Variants in BRINP3 observed in about 807,000 individuals in gnomAD.
BRINP3 encodes the protein BMP/retinoic acid-inducible neural-specific protein 3.
Under a neutral mutation model 71.0 loss-of-function variants are expected in BRINP3, and 19 were observed. The ratio of observed to expected loss-of-function variants is 0.27; its 90% CI spans 0.19 to 0.39. BRINP3 has a LOEUF of 0.39. Among genes scored for constraint, BRINP3 ranks in the 10% least tolerant of loss-of-function variants. The pLI is 1.00. For missense variants in BRINP3, 959 were observed against 940.8 expected (o/e 1.02, Z -0.25); for synonymous variants, 380 against 337.7 (o/e 1.13, Z -1.37).
chr1:190,288,920 G>T (rs1663642094), intron 2 of BRINP3, among the ~76,000 whole-genome samples: 1 of 151,740 alleles, frequency 6.6e-6, no homozygotes, highest in Admixed American at 6.6e-5. Flanking sequence ...ATCTGTTAAT[G>T]AAAAAATAAT....
At chr1:190,130,806 G>A (rs77884381) in intron 7 of BRINP3, among the ~76,000 whole-genome samples, 4 of 151,888 alleles carry the variant, frequency 2.6e-5, no homozygotes, top group East Asian at 1.9e-4. Context: ...TAAAACAGGC[G>A]GTGCTTTCCC....
At chr1:190,276,979 A>T (rs1357731464) in intron 3 of BRINP3, among the ~76,000 whole-genome samples, 1 of 148,472 alleles carries the variant, frequency 6.7e-6, no homozygotes, top group Non-Finnish European at 1.5e-5. Context: ...ACAGTGGTCA[A>T]ACTGAACTTG....
intron 2 of BRINP3, among the ~76,000 whole-genome samples, chr1:190,312,433 G>T (rs529476182): frequency 6.6e-6 from 1 of 151,558 alleles, no homozygotes; most frequent in African/African-American, 2.4e-5. Context: ...CCTTCCCAGT[G>T]ATCTCCTAAA....
intron 2 of BRINP3, among the ~76,000 whole-genome samples, chr1:190,359,906 G>T (rs926859969): frequency 1.3e-5 from 2 of 152,026 alleles, no homozygotes; most frequent in Non-Finnish European, 2.9e-5. Flanking sequence ...AGAATACTGG[G>T]CTAAACTCTT....
At chr1:190,327,326 C>CAAA (rs1227478693) in intron 2 of BRINP3, among the ~76,000 whole-genome samples, 736 of 44,150 alleles carry the variant, frequency 0.017, 12 homozygotes, top group East Asian at 0.027. Context: ...AAAAAAAGAA[C>CAAA]AAAAAAAAAA....
intron 6 of BRINP3, among the ~76,000 whole-genome samples, chr1:190,189,961 C>T (rs1653890342): frequency 6.6e-6 from 1 of 152,146 alleles, no homozygotes; most frequent in African/African-American, 2.4e-5. Flanking sequence ...CAGTGTGGCA[C>T]TGCCAAAAGT....
chr1:190,315,871 T>C (rs1219272382), intron 2 of BRINP3, among the ~76,000 whole-genome samples: 1 of 152,154 alleles, frequency 6.6e-6, no homozygotes, highest in Non-Finnish European at 1.5e-5. Context: ...CATTTCCTCT[T>C]TTTTCTAAAC....
chr1:190,242,388 T>A lies in BRINP3; in HGVS notation c.619-7911A>T, dbSNP rs369941260. 7.2e-5 allele frequency among the ~76,000 whole-genome samples: 11 copies of A among 152,172 alleles called. No individual in the cohort carries two copies. The East Asian group carries it at 9.7e-4, about 13-fold the overall frequency. ...CTTAAAATATATTTAACATTGTCAATATTTTCTTGGGCCTTCTCCAAACAT... is the reference window on the plus strand; with the variant it reads ...CTTAAAATATATTTAACATTGTCAAAATTTTCTTGGGCCTTCTCCAAACAT... On this transcript the variant is annotated intron_variant, in intron 4 of 7. Coordinates refer to ENST00000367462, the MANE Select transcript of BRINP3 (RefSeq NM_199051.3).
chr1:190,312,291 G>A (rs1037616759), intron 2 of BRINP3, among the ~76,000 whole-genome samples: 1 of 150,888 alleles, frequency 6.6e-6, no homozygotes, highest in East Asian at 1.9e-4. Flanking sequence ...TATTGTTACA[G>A]AGAATATGCA....
In BRINP3 at chr1:190,180,849, T is replaced by A. The variant is rs994334993; in HGVS notation, c.962-19959A>T. On this transcript the variant is annotated intron_variant, in intron 6 of 7. Transcript: ENST00000367462. Reference sequence around the variant, plus strand: ...TAAAATAACAACAATTCCTAGGAAGTTACAAAAAAAGTACAGACATAATCC... The same window carrying A: ...TAAAATAACAACAATTCCTAGGAAGATACAAAAAAAGTACAGACATAATCC... Among the ~76,000 whole-genome samples, 5 of 152,040 alleles carry A rather than the reference T, an allele frequency of 3.3e-5. No homozygotes were observed. In the East Asian group the frequency reaches 9.6e-4, roughly 29 times the overall value.
At chr1:190,135,840 T>C (rs2066106835) in intron 7 of BRINP3, among the ~76,000 whole-genome samples, 1 of 152,112 alleles carries the variant, frequency 6.6e-6, no homozygotes, top group Non-Finnish European at 1.5e-5. Context: ...GCACAGCATA[T>C]ATCATTTTTC....
At chr1:190,138,786 G>A (rs759130252) in intron 7 of BRINP3, among the ~76,000 whole-genome samples, 3 of 152,128 alleles carry the variant, frequency 2.0e-5, no homozygotes, top group Non-Finnish European at 2.9e-5. Context: ...TTTGTGTCCA[G>A]ACCAAGAAAG....
chr1:190,214,841 T>C (rs114564591), intron 6 of BRINP3, among the ~76,000 whole-genome samples: 212 of 152,096 alleles, frequency 1.4e-3, no homozygotes, highest in African/African-American at 4.7e-3. Flanking sequence ...TAGCCTGTCC[T>C]TAATGACAGA....
intron 2 of BRINP3, among the ~76,000 whole-genome samples, chr1:190,388,083 C>T (rs1455220432): frequency 1.3e-5 from 2 of 151,722 alleles, no homozygotes; most frequent in Non-Finnish European, 2.9e-5. Context: ...GTAAATTCTC[C>T]TTCATCATAT....
At chr1:190,331,704 T>A (rs1666974162) in intron 2 of BRINP3, among the ~76,000 whole-genome samples, 1 of 152,002 alleles carries the variant, frequency 6.6e-6, no homozygotes, top group Non-Finnish European at 1.5e-5. Context: ...AGAGCAAACA[T>A]AAATACCACT....
chr1:190,463,327 T>C (rs1676518029), intron 1 of BRINP3, among the ~76,000 whole-genome samples: 1 of 151,708 alleles, frequency 6.6e-6, no homozygotes, highest in African/African-American at 2.4e-5. Context: ...AAATCTGTTT[T>C]TTCATGTTCC....
rs1265844653 is a variant in BRINP3 at position 190,098,881 on chromosome 1, C to T, written c.1438G>A (p.Glu480Lys). 4 of 1,614,022 alleles carry T rather than the reference C, an allele frequency of 2.5e-6. No individual in the cohort carries two copies. Among genetic ancestry groups the T allele is most frequent in the East Asian group, 2.2e-5 (1 of 44,882 alleles). The change falls in exon 8 of 8, where the codon GAG becomes AAG. Residue 480 changes from glutamate (E) to lysine (K), a missense_variant. Coordinates refer to ENST00000367462, the MANE Select transcript of BRINP3 (RefSeq NM_199051.3). ...AAGCCAATATAGTGATCGGTGGACT[C>T]GGCGACTTCAGGCTTGCAGAGCCCC... The part of the protein sequence containing the change: ...SQGLCKPEVA[E>K]STDHYIGFET...
intron 1 of BRINP3, among the ~76,000 whole-genome samples, chr1:190,473,772 TA>T (rs911885350): frequency 3.2e-5 from 3 of 92,756 alleles, no homozygotes; most frequent in African/African-American, 7.1e-5. Flanking sequence ...CATAATTTTC[TA>T]TTTTTTTTTT....
chr1:190,242,124 T>G (rs1481225096), intron 4 of BRINP3, among the ~76,000 whole-genome samples: 1 of 151,920 alleles, frequency 6.6e-6, no homozygotes, highest in Admixed American at 6.6e-5. Flanking sequence ...AACATATTAT[T>G]AATTATAAGA....
Sources: gnomAD v4.1 joint callset for allele counts (sites outside exome capture counted in the v4.1 genomes callset) on GRCh38, gnomAD v4.1.1 for gene constraint, MANE v1.5 for transcripts, NCBI Gene and HGNC (gene_info 2026-07-23, HGNC 2026-07-21) for gene names.